The following ANK3 variants were observed in gnomAD, a reference collection of about 807,000 sequenced individuals.
ANK3 encodes the protein ankyrin-3.
Under a neutral mutation model 370.9 loss-of-function variants are expected in ANK3, and 57 were observed. The observed-to-expected ratio is 0.15, with a 90% CI of 0.12 to 0.19. The LOEUF is 0.19. Ranked by LOEUF, ANK3 falls within the 10% of genes least tolerant of loss-of-function variation. The probability of loss-of-function intolerance (pLI) is 1.00; values close to 1 mark genes in which losing one functional copy is unlikely to be tolerated. For synonymous variants in ANK3, 1,929 were observed against 1,946.3 expected (o/e 0.99, Z 0.23); for missense variants, 4,439 against 5,302.1 (o/e 0.84, Z 5.06).
At chr10:60,648,152 T>C (rs1223352351) in intron 1 of ANK3, among the ~76,000 whole-genome samples, 1 of 80,238 alleles carries the variant, frequency 1.2e-5, no homozygotes, top group Non-Finnish European at 2.8e-5. Flanking sequence ...GCCTCTTTTT[T>C]TTTTCCTTTT....
intron 5 of ANK3, 66 bp downstream of exon 5, chr10:60,270,065 A>G (rs2097945858): frequency 1.9e-6 from 2 of 1,067,198 alleles, no homozygotes; most frequent in African/African-American, 3.3e-5. Context: ...CAAATTCACA[A>G]CTCCAGGTTT....
chr10:60,706,424 T>G (rs971901180), intron 1 of ANK3, among the ~76,000 whole-genome samples: 3 of 151,956 alleles, frequency 2.0e-5, no homozygotes, highest in Admixed American at 1.3e-4. Context: ...TGACCAGAGA[T>G]ATTACAACCC....
chr10:60,138,541 TA>T (rs2094445366), intron 24 of ANK3: 1 of 405,366 alleles, frequency 2.5e-6, no homozygotes, highest in African/African-American at 2.1e-5. Context: ...TGCTCTCTTT[TA>T]ATCATGAATT....
intron 2 of ANK3, among the ~76,000 whole-genome samples, chr10:60,544,239 G>C (rs538687532): frequency 3.9e-5 from 6 of 152,190 alleles, no homozygotes; most frequent in African/African-American, 1.4e-4. Context: ...GCAGGAAATA[G>C]TCTTGTTATA....
rs1595000664 is a variant in ANK3 at position 60,423,579 on chromosome 10, C to T, written c.97-143940G>A. On this transcript the variant is annotated intron_variant, in intron 2 of 43. Coordinates refer to the ANK3 transcript ENST00000373827. ...GGCTGGAGTCTCTGTGGACAACTGC[C>T]TTGACTATATCCCTTATGTACTAAT... Among the ~76,000 whole-genome samples, 6 of 152,086 alleles carry T rather than the reference C, an allele frequency of 3.9e-5. No individual in the cohort carries two copies. The South Asian group carries it at 1.0e-3, about 26-fold the overall frequency.
chr10:60,687,533 A>ACACACACAC (rs375712984), intron 1 of ANK3, among the ~76,000 whole-genome samples: 1,138 of 68,588 alleles, frequency 0.017, 13 homozygotes, highest in African/African-American at 0.052. Context: ...GGTATAAAAA[A>ACACACACAC]AAACACACAC....
At chr10:60,511,997 C>G (rs1049510976) in intron 2 of ANK3, among the ~76,000 whole-genome samples, 12 of 152,038 alleles carry the variant, frequency 7.9e-5, no homozygotes, top group African/African-American at 2.9e-4. Context: ...CAGCTCTCCA[C>G]AGAGCACAGA....
intron 2 of ANK3, among the ~76,000 whole-genome samples, chr10:60,562,398 GC>G: frequency 6.6e-6 from 1 of 151,704 alleles, no homozygotes; most frequent in South Asian, 2.1e-4. Context: ...TCTTAAGGGA[GC>G]ATTTGTTTCG....
intron 1 of ANK3, among the ~76,000 whole-genome samples, chr10:60,701,138 TG>T (rs2079540508): frequency 6.6e-6 from 1 of 151,722 alleles, no homozygotes; most frequent in Non-Finnish European, 1.5e-5. Flanking sequence ...CTTACTTATA[TG>T]AAAAAAAGGT....
At chr10:60,582,078 G>A (rs991345237) in intron 2 of ANK3, among the ~76,000 whole-genome samples, 6 of 151,990 alleles carry the variant, frequency 3.9e-5, no homozygotes, top group East Asian at 1.9e-4. Flanking sequence ...CAATGAGAAC[G>A]CATGGACACA....
chr10:60,048,461 G>T (rs1003274695), intron 42 of ANK3, among the ~76,000 whole-genome samples: 7 of 152,266 alleles, frequency 4.6e-5, no homozygotes, highest in South Asian at 2.1e-4. Flanking sequence ...GAATACACTT[G>T]TTCCTTAGTA....
chr10:60,275,735 T>G (rs1162566862), intron 4 of ANK3, among the ~76,000 whole-genome samples: 1 of 152,146 alleles, frequency 6.6e-6, no homozygotes, highest in Non-Finnish European at 1.5e-5. Context: ...GGGTCTTACC[T>G]TTGCAAATGC....
chr10:60,091,578 G>A (rs1191345181), intron 28 of ANK3, among the ~76,000 whole-genome samples: 1 of 152,064 alleles, frequency 6.6e-6, no homozygotes, highest in Non-Finnish European at 1.5e-5. Context: ...GATTTGAGAT[G>A]TGACACTAGA....
chr10:60,705,708 C>G (rs555241992), intron 1 of ANK3, among the ~76,000 whole-genome samples: 71 of 152,192 alleles, frequency 4.7e-4, no homozygotes, highest in Non-Finnish European at 9.4e-4. Flanking sequence ...CTGTACAAGC[C>G]CATCTATTAT....
At chr10:60,089,202 CTT>C (rs2087518880) in intron 28 of ANK3, among the ~76,000 whole-genome samples, 1 of 152,180 alleles carries the variant, frequency 6.6e-6, no homozygotes, top group African/African-American at 2.4e-5. Flanking sequence ...GATACATCTT[CTT>C]CCCTGCTGTC....
chr10:60,137,681 A>G (rs2132202703), intron 24 of ANK3, among the ~76,000 whole-genome samples: 1 of 152,042 alleles, frequency 6.6e-6, no homozygotes, highest in South Asian at 2.1e-4. Context: ...TTATATTAAG[A>G]AAAAAAATAC....
chr10:60,570,736 G>A (rs1195253363), intron 2 of ANK3, among the ~76,000 whole-genome samples: 2 of 152,092 alleles, frequency 1.3e-5, no homozygotes, highest in Admixed American at 6.5e-5. Context: ...TTGGGAGAGT[G>A]TGGAATGAAG....
At chr10:60,578,690 G>C (rs1340917796) in intron 2 of ANK3, among the ~76,000 whole-genome samples, 1 of 152,092 alleles carries the variant, frequency 6.6e-6, no homozygotes, top group Non-Finnish European at 1.5e-5. Flanking sequence ...GACAGATACA[G>C]CTCCACTGGA....
intron 1 of ANK3, among the ~76,000 whole-genome samples, chr10:60,348,681 G>T (rs2056230868): frequency 6.6e-6 from 1 of 152,186 alleles, no homozygotes; most frequent in African/African-American, 2.4e-5. Context: ...AGTAGTGGTG[G>T]TGTGGTAGTG....
Sources: gnomAD v4.1 joint callset for allele counts (sites outside exome capture counted in the v4.1 genomes callset) on GRCh38, gnomAD v4.1.1 for gene constraint, MANE v1.5 for transcripts, NCBI Gene and HGNC (gene_info 2026-07-23, HGNC 2026-07-21) for gene names.